The following NRN1 variants were observed in gnomAD, a reference collection of about 807,000 sequenced individuals.
NRN1 encodes neuritin 1, also known as neuritin.
In NRN1, 4 loss-of-function variants were observed where a neutral mutation model predicts 15.0. The ratio of observed to expected loss-of-function variants is 0.27; its 90% CI spans 0.13 to 0.61. The LOEUF is 0.61. Ranked by LOEUF, NRN1 falls within the 20% of genes least tolerant of loss-of-function variation. The probability of loss-of-function intolerance (pLI) is 0.87; values close to 1 mark genes in which losing one functional copy is unlikely to be tolerated. For missense variants in NRN1, 134 were observed against 181.9 expected, an observed-to-expected ratio of 0.74 and a Z score of 1.51; for synonymous variants, 85 against 79.8, an observed-to-expected ratio of 1.07 and a Z score of -0.35.
chr6:6,003,958 G>C (rs1758038648), intron 1 of NRN1: 2 of 1,224,730 alleles, frequency 1.6e-6, no homozygotes, highest in African/African-American at 3.1e-5. Flanking sequence ...CGGGAGGACC[G>C]GACACCTCAA....
rs1757817367 is a variant in NRN1 at position 5,998,139 on chromosome 6, C to CT, written c.*836dup. On this transcript the variant is annotated 3_prime_UTR_variant, in exon 3 of 3. Coordinates refer to ENST00000244766, the MANE Select transcript of NRN1 (RefSeq NM_016588.3). ...AATCAAGGCTCTTTTATGTCAAAAT[C>CT]TTTTTTTAGCTATATTTTAGATTAA... The CT allele has an allele frequency of 2.0e-5, 3 of 151,446 alleles. No individual in the cohort carries two copies. Among genetic ancestry groups the CT allele is most frequent in the Admixed American group, 6.6e-5 (1 of 15,230 alleles). 9.4% of individuals were successfully genotyped at this position (151,446 alleles called of 1,614,324 possible). A position where few individuals can be genotyped will look rare whatever the true frequency, so the allele number is the denominator to read the frequency against.
chr6:6,003,424 C>A (rs1285196786), intron 1 of NRN1, among the ~76,000 whole-genome samples: 1 of 152,196 alleles, frequency 6.6e-6, no homozygotes, highest in Admixed American at 6.5e-5. Context: ...ACAACCCACC[C>A]GCCCGCCAAA....
At chr6:6,007,000 A>G, upstream of NRN1, 1 of 416,092 alleles carries the variant, frequency 2.4e-6, no homozygotes, top group South Asian at 2.6e-5. Flanking sequence ...ACTCCATTAG[A>G]AGGGGGCGGA....
At position 5,998,750 on chromosome 6, in the gene NRN1, G is replaced by A. The variant is rs1425550208; in HGVS notation, c.*226C>T. On this transcript the variant is annotated 3_prime_UTR_variant, in exon 3 of 3. Transcript: ENST00000244766. ...TGAAGACGGACTAAAGCTGAGGTCC[G>A]ATTTTGGCTGTGCTTGCTTGCTCAC... is the stretch of plus-strand genomic sequence containing the variant. The A allele has an allele frequency of 1.9e-6, 1 of 524,748 alleles. No individual in the cohort carries two copies. Among genetic ancestry groups the A allele is most frequent in the Non-Finnish European group, 3.4e-6 (1 of 295,260 alleles). The allele number at this position is 524,748 out of a possible 1,614,324, so 32.5% of individuals were successfully genotyped here. A position where few individuals can be genotyped will look rare whatever the true frequency, so the allele number is the denominator to read the frequency against.
intron 2 of NRN1, among the ~76,000 whole-genome samples, chr6:6,002,142 C>A (rs1212048873): frequency 6.6e-6 from 1 of 152,224 alleles, no homozygotes; most frequent in Non-Finnish European, 1.5e-5. Flanking sequence ...TCCTCCATAT[C>A]CCACCCCGGG....
At chr6:6,003,918 T>C (rs2151033884) in intron 1 of NRN1, 1 of 1,229,030 alleles carries the variant, frequency 8.1e-7, no homozygotes, top group South Asian at 4.3e-5. Context: ...GGCAGCTTTC[T>C]GGCGGCTGCG....
chr6:6,006,968 G>C (rs537466680), upstream of NRN1: 171 of 412,862 alleles, frequency 4.1e-4, 5 homozygotes, highest in Non-Finnish European at 3.8e-4. Flanking sequence ...GCTGAGGGGG[G>C]GGGGAGAGCT....
upstream of NRN1, chr6:6,007,049 G>A (rs1378066489): frequency 2.5e-6 from 1 of 397,932 alleles, no homozygotes; most frequent in African/African-American, 2.1e-5. Context: ...GCCTGACGTG[G>A]GGGATGACAC....
upstream of NRN1, among the ~76,000 whole-genome samples, chr6:6,007,150 A>G (rs1758132119): frequency 6.6e-6 from 1 of 152,028 alleles, no homozygotes; most frequent in Non-Finnish European, 1.5e-5. Context: ...TCTCCAATTA[A>G]TGTGCGATCT....
In NRN1 at chr6:6,006,710, G is replaced by A. The variant is rs561388632; in HGVS notation, c.40C>T (p.Leu14Phe). The A allele has an allele frequency of 6.2e-7, 1 of 1,614,112 alleles. No homozygotes were observed. The highest frequency in any genetic ancestry group is 2.2e-5 in the East Asian group (1 of 44,876). ...KLNGRYISLI[L>F]AVQIAYLVQA... ...GGCCACTTACCTATTTGCACCGCGA[G>A]GATCAGTGAAATATATCTGCCGTTC... Residue 14 changes from leucine (L) to phenylalanine (F), a missense_variant, in exon 1 of 3, where the codon CTC becomes TTC. Leu to Phe is a conservative substitution (Grantham distance 22). Coordinates refer to ENST00000244766, the MANE Select transcript of NRN1 (RefSeq NM_016588.3).
At chr6:5,999,545 G>T (rs1265060748) in intron 2 of NRN1, among the ~76,000 whole-genome samples, 1 of 152,240 alleles carries the variant, frequency 6.6e-6, no homozygotes, top group African/African-American at 2.4e-5. Flanking sequence ...CAGATTGCTC[G>T]CCCTCCTCGG....
intron 1 of NRN1, chr6:6,002,836 C>A (rs1757993848): frequency 2.5e-6 from 1 of 394,858 alleles, no homozygotes; most frequent in Non-Finnish European, 4.6e-6. Context: ...CTCCCTCATC[C>A]CTTTTATTTC....
chr6:6,003,090 A>G, intron 1 of NRN1: 1 of 804,666 alleles, frequency 1.2e-6, no homozygotes, highest in Non-Finnish European at 1.7e-6. Context: ...ACACTGCTGA[A>G]TGAATGAACG....
chr6:6,003,602 A>G (rs1251870288), intron 1 of NRN1: 1 of 726,978 alleles, frequency 1.4e-6, no homozygotes, highest in Non-Finnish European at 1.9e-6. Context: ...GAGGAGGAGG[A>G]GGAGGAAACA....
At chr6:6,007,335 C>T (rs189798880), upstream of NRN1, among the ~76,000 whole-genome samples, 1 of 152,128 alleles carries the variant, frequency 6.6e-6, no homozygotes, top group East Asian at 1.9e-4. Context: ...ATTGTTTCAA[C>T]CTGCTCCCCC....
In NRN1 at chr6:6,006,676, G is replaced by C. The variant is rs755725161; in HGVS notation, c.55+19C>G. 15 of 1,613,142 alleles carry C rather than the reference G, an allele frequency of 9.3e-6. No individual in the cohort carries two copies. The African/African-American group carries it at 1.6e-4, about 17-fold the overall frequency. ...TGCCTCCCGCCTCCAGCCTCCAGCCGGGCTGAGCGGCCACTTACCTATTTG... is the reference window on the plus strand; with the variant it reads ...TGCCTCCCGCCTCCAGCCTCCAGCCCGGCTGAGCGGCCACTTACCTATTTG... On this transcript the variant is annotated intron_variant, in intron 1 of 2. Coordinates refer to ENST00000244766, the MANE Select transcript of NRN1 (RefSeq NM_016588.3).
At chr6:6,003,071 G>T in intron 1 of NRN1, 1 of 679,870 alleles carries the variant, frequency 1.5e-6, no homozygotes, top group Non-Finnish European at 2.1e-6. Flanking sequence ...CTTGGTGGGC[G>T]CTCAGCAAAC....
chr6:6,001,372 G>GT (rs529652096), intron 2 of NRN1, among the ~76,000 whole-genome samples: 4 of 152,170 alleles, frequency 2.6e-5, no homozygotes, highest in East Asian at 1.9e-4. Flanking sequence ...GAACACAGCT[G>GT]TTTTTTGCAA....
intron 1 of NRN1, among the ~76,000 whole-genome samples, chr6:6,005,458 T>C (rs1045963167): frequency 6.6e-6 from 1 of 152,240 alleles, no homozygotes; most frequent in Admixed American, 6.5e-5. Flanking sequence ...TTCTGCATTA[T>C]AAAATCTCAA....
Sources: gnomAD v4.1 joint callset for allele counts (sites outside exome capture counted in the v4.1 genomes callset) on GRCh38, gnomAD v4.1.1 for gene constraint, MANE v1.5 for transcripts, NCBI Gene and HGNC (gene_info 2026-07-23, HGNC 2026-07-21) for gene names.